Variants in ERFL observed in about 807,000 individuals in gnomAD.
The protein encoded by ERFL is ETS repressor factor like.
ERFL carries 8 observed loss-of-function variants against 27.9 expected under a neutral mutation model. The ratio of observed to expected loss-of-function variants is 0.29; its 90% confidence interval spans 0.17 to 0.52. ERFL has a LOEUF of 0.52. ERFL is among the 20% of genes least tolerant of loss of function. The pLI, the probability that ERFL is intolerant of heterozygous loss-of-function variation, is 0.97. For synonymous variants in ERFL, 174 were observed against 202.8 expected (o/e 0.86, Z 1.21); for missense variants, 294 against 444.4 (o/e 0.66, Z 3.04).
At position 41,923,229 on chromosome 19, in the gene ERFL, T is replaced by C. The variant is rs147673260; in HGVS notation, c.-14+4811A>G. Reference sequence around the variant, plus strand: ...GGGATGAGGTGAGCCTGGACTTGAATGCAGGTCAGTATGACTCTAGGCCCC... The same window carrying C: ...GGGATGAGGTGAGCCTGGACTTGAACGCAGGTCAGTATGACTCTAGGCCCC... On this transcript the variant is annotated intron_variant, in intron 1 of 5. Coordinates refer to ENST00000597630, the MANE Select transcript of ERFL (RefSeq NM_001365103.2). 3.3e-5 allele frequency: 15 copies of C among 455,504 alleles called. No homozygotes were observed. In the East Asian group the frequency reaches 1.0e-3, roughly 32 times the overall value. 28.2% of individuals were successfully genotyped at this position (455,504 alleles called of 1,614,324 possible). A position where few individuals can be genotyped will look rare whatever the true frequency, so the allele number is the denominator to read the frequency against.
Position 41,921,489 on chromosome 19 carries a change from GAA to G in ERFL, c.-14+6549_-14+6550del, listed in dbSNP as rs2074841993. Among the ~76,000 whole-genome samples the G allele has an allele frequency of 2.0e-5, 3 of 151,980 alleles. No homozygotes were observed. The highest frequency in any genetic ancestry group is 2.1e-4 in the South Asian group (1 of 4,768). On this transcript the variant is annotated intron_variant, in intron 1 of 5. Coordinates refer to ENST00000597630, the MANE Select transcript of ERFL (RefSeq NM_001365103.2). The surrounding 1 kb of genome is among the most constrained non-coding windows in gnomAD (Gnocchi z 4.4). Reference sequence around the variant, plus strand: ...TGGGAGCCACATGCACACGCAGAGAGAAGAGAGAGACAGAGACAGAGAGACAG... The same window carrying G: ...TGGGAGCCACATGCACACGCAGAGAGGAGAGAGACAGAGACAGAGAGACAG...
At chr19:41,911,928 G>A (rs1250109025) in intron 2 of ERFL, among the ~76,000 whole-genome samples, 2 of 151,426 alleles carry the variant, frequency 1.3e-5, no homozygotes, top group Non-Finnish European at 2.9e-5. Context: ...TGGACCCTAC[G>A]CTGAAAACCA....
intron 1 of ERFL, among the ~76,000 whole-genome samples, chr19:41,918,489 ACACACACATCACACACACAC>A (rs1412453537): frequency 2.7e-5 from 4 of 147,396 alleles, no homozygotes; most frequent in African/African-American, 5.1e-5. Flanking sequence ...CACGCACACC[ACACACACATCACACACACAC>A]CACACACATC....
chr19:41,926,369 A>T (rs535234023), intron 1 of ERFL, among the ~76,000 whole-genome samples: 1 of 152,170 alleles, frequency 6.6e-6, no homozygotes, highest in South Asian at 2.1e-4. Context: ...AGGTATGAGG[A>T]GATAGATGTT....
chr19:41,914,740 TCTGTCTCTCCCTCCCCTTCCA>T (rs1555851654), intron 1 of ERFL, among the ~76,000 whole-genome samples: 3 of 24,032 alleles, frequency 1.2e-4, no homozygotes, highest in African/African-American at 3.3e-4. Context: ...TTCCACCATC[TCTGTCTCTCCCTCCCCTTCCA>T]CCGTCTCTGT....
intron 1 of ERFL, among the ~76,000 whole-genome samples, chr19:41,925,720 G>A (rs1386057898): frequency 2.6e-5 from 4 of 152,112 alleles, no homozygotes; most frequent in Non-Finnish European, 5.9e-5. Flanking sequence ...CAGGTACGGG[G>A]GAATCCTTGG....
chr19:41,918,216 C>T (rs1325818140), intron 1 of ERFL, among the ~76,000 whole-genome samples: 5 of 151,844 alleles, frequency 3.3e-5, no homozygotes, highest in African/African-American at 9.7e-5. Context: ...CACATATACA[C>T]CACACATACC....
intron 1 of ERFL, among the ~76,000 whole-genome samples, chr19:41,913,149 T>C (rs2074764177): frequency 6.9e-6 from 1 of 144,954 alleles, no homozygotes; most frequent in African/African-American, 2.6e-5. Context: ...CCTCCCAGCC[T>C]CTCCTCCCGC....
intron 1 of ERFL, among the ~76,000 whole-genome samples, chr19:41,926,912 C>T (rs1174161092): frequency 1.3e-5 from 2 of 151,704 alleles, no homozygotes; most frequent in South Asian, 2.1e-4. Flanking sequence ...CTGGGAGAGA[C>T]AGAGACAGAG....
intron 1 of ERFL, among the ~76,000 whole-genome samples, chr19:41,915,294 C>T (rs547020804): frequency 3.3e-5 from 5 of 151,674 alleles, no homozygotes; most frequent in East Asian, 2.0e-4. Context: ...GTCTCACACG[C>T]GTCTCTGCCA....
intron 1 of ERFL, among the ~76,000 whole-genome samples, chr19:41,920,599 T>TA (rs2074836570): frequency 6.6e-6 from 1 of 152,082 alleles, no homozygotes; most frequent in Admixed American, 6.5e-5. Context: ...AGACAGGACA[T>TA]GTGTGGCTCC....
rs1237330660 is a variant in ERFL, at chr19:41,916,086, C to T, written c.-13-3154G>A. 2.0e-5 allele frequency among the ~76,000 whole-genome samples: 3 copies of T among 152,054 alleles called. No homozygotes were observed. Among genetic ancestry groups the T allele is most frequent in the Non-Finnish European group, 2.9e-5 (2 of 68,000 alleles). On this transcript the variant is annotated intron_variant, in intron 1 of 5. Coordinates refer to ENST00000597630, the MANE Select transcript of ERFL (RefSeq NM_001365103.2). The surrounding 1 kb of genome is among the most constrained non-coding windows in gnomAD (Gnocchi z 5.4). The stretch of plus-strand genomic sequence containing the variant: ...AATGTGTGTGCGCATGTGAGCGAAG[C>T]GGTGTGCAGAGGCGCTGGGCAGGCG...
intron 1 of ERFL, among the ~76,000 whole-genome samples, chr19:41,914,576 T>TCC (rs2074777139): frequency 3.5e-5 from 1 of 28,436 alleles, no homozygotes; most frequent in African/African-American, 1.4e-4. Context: ...TCTGTCTCCG[T>TCC]CTCTCCCTCC....
rs946345429 is a variant in ERFL, at chr19:41,917,971, G to A, written c.-13-5039C>T. 3.3e-5 allele frequency among the ~76,000 whole-genome samples: 5 copies of A among 151,824 alleles called. No homozygotes were observed. Among genetic ancestry groups the A allele is most frequent in the Admixed American group, 2.0e-4 (3 of 15,264 alleles). On this transcript the variant is annotated intron_variant, in intron 1 of 5. Transcript: ENST00000597630. This position sits in a 1 kb window ranked among gnomAD's most constrained non-coding sequence, Gnocchi z 4.8. ...ACCTGTCCGTCCAGACTATAGCCACGTCCATGTGTACACAGAGCAGGCTCA... is the reference window on the plus strand; with the variant it reads ...ACCTGTCCGTCCAGACTATAGCCACATCCATGTGTACACAGAGCAGGCTCA...
chr19:41,921,755 C>T lies in ERFL; in HGVS notation c.-14+6285G>A, dbSNP rs1056106242. On this transcript the variant is annotated intron_variant, in intron 1 of 5. Transcript: ENST00000597630. This position sits in a 1 kb window ranked among gnomAD's most constrained non-coding sequence, Gnocchi z 4.4. ...TGGAGTGGAAGGCTCAGGTGTAGGC[C>T]GGGTGGCGGGCAGACCTAAGGTGTG... Among the ~76,000 whole-genome samples, 6 of 151,912 alleles carry T rather than the reference C, an allele frequency of 3.9e-5. No individual in the cohort carries two copies. Among genetic ancestry groups the T allele is most frequent in the Admixed American group, 1.3e-4 (2 of 15,252 alleles).
At chr19:41,926,707 C>T (rs973136632) in intron 1 of ERFL, among the ~76,000 whole-genome samples, 4 of 147,422 alleles carry the variant, frequency 2.7e-5, no homozygotes, top group African/African-American at 4.9e-5. Flanking sequence ...CCGCGGCGGC[C>T]GGCCGGGAGG....
Position 41,910,058 on chromosome 19 carries a change from G to A in ERFL, c.107C>T (p.Ser36Phe). The change falls in exon 3 of 6, where the codon TCC becomes TTC. Residue 36 changes from serine to phenylalanine, a missense_variant. Ser to Phe is a radical substitution (Grantham distance 155). Around this residue, in one of 3 missense-constraint regions of ERFL, gnomAD observed 10 missense variants for 37.7 expected, o/e 0.27. Transcript: ENST00000597630. The surrounding 1 kb of genome is among the most constrained non-coding windows in gnomAD (Gnocchi z 4.4). ...CAGCTGGATCTGCCTCGAGCCAGGG[G>A]ATGACTCTGGCTTGTAGGCCCAATC... ...FPDWAYKPES[S>F]PGSRQIQLWH... is the part of the protein sequence containing the mutation. The A allele has an allele frequency of 1.2e-6, 2 of 1,613,452 alleles. No homozygotes were observed. Among genetic ancestry groups the A allele is most frequent in the African/African-American group, 1.3e-5 (1 of 75,020 alleles).
chr19:41,920,901 C>A (rs1320477498), intron 1 of ERFL, among the ~76,000 whole-genome samples: 4 of 152,198 alleles, frequency 2.6e-5, no homozygotes, highest in African/African-American at 9.6e-5. Flanking sequence ...ACCCACACCC[C>A]CCTCCCTCTG....
At chr19:41,918,366 C>A (rs2074815077) in intron 1 of ERFL, among the ~76,000 whole-genome samples, 1 of 150,398 alleles carries the variant, frequency 6.6e-6, no homozygotes, top group Non-Finnish European at 1.5e-5. Flanking sequence ...ACACACCATA[C>A]CACACACACC....
Sources: gnomAD v4.1 joint callset for allele counts (sites outside exome capture counted in the v4.1 genomes callset) on GRCh38, gnomAD v4.1.1 for gene constraint, gnomAD v4.1.1 regional missense constraint, Gnocchi (gnomAD v3.1) non-coding constraint, MANE v1.5 for transcripts, NCBI Gene and HGNC (gene_info 2026-07-23, HGNC 2026-07-21) for gene names.